Variants in PMM2 observed in about 807,000 individuals in gnomAD.
PMM2 encodes the protein phosphomannomutase 2, also known as mannose-6-phosphate isomerase.
PMM2 carries 35 observed loss-of-function variants against 33.2 expected under a neutral mutation model. That is an observed-to-expected ratio of 1.06 (90% CI 0.81 to 1.40). PMM2 has a LOEUF of 1.40. Ranked by LOEUF, PMM2 falls within the 40% of genes most tolerant of loss-of-function variation. PMM2 has a pLI of 0.00. For synonymous variants in PMM2, 153 were observed against 114.7 expected (o/e 1.33, Z -2.13); for missense variants, 386 against 306.0 (o/e 1.26, Z -1.95).
At chr16:8,839,436 G>T (rs2060874742) in intron 7 of PMM2, among the ~76,000 whole-genome samples, 1 of 151,976 alleles carries the variant, frequency 6.6e-6, no homozygotes, top group Admixed American at 6.6e-5. Flanking sequence ...GACTGATGGG[G>T]TAACTGCATA....
intron 7 of PMM2, among the ~76,000 whole-genome samples, chr16:8,817,617 A>C (rs1245939160): frequency 6.6e-6 from 1 of 152,236 alleles, no homozygotes; most frequent in African/African-American, 2.4e-5. Context: ...TAACCATTGC[A>C]TTACCATGCC....
At chr16:8,799,041 G>A (rs1316219290) in intron 1 of PMM2, among the ~76,000 whole-genome samples, 3 of 152,146 alleles carry the variant, frequency 2.0e-5, no homozygotes, top group African/African-American at 7.2e-5. Context: ...GCCCATAGTG[G>A]TCTAAAACTC....
chr16:8,817,295 A>G (rs1409442637), intron 7 of PMM2, among the ~76,000 whole-genome samples: 1 of 152,240 alleles, frequency 6.6e-6, no homozygotes. Context: ...GCAGGCTTTG[A>G]AAAAGATCAC....
chr16:8,827,565 T>C (rs144789487), intron 7 of PMM2, among the ~76,000 whole-genome samples: 2 of 148,262 alleles, frequency 1.3e-5, no homozygotes, highest in East Asian at 4.0e-4. Flanking sequence ...CTGGCTAATT[T>C]TTGTATTTTT....
At chr16:8,800,086 C>T (rs551613519) in intron 1 of PMM2, among the ~76,000 whole-genome samples, 36 of 152,158 alleles carry the variant, frequency 2.4e-4, no homozygotes, top group Non-Finnish European at 3.2e-4. Context: ...CAGCCGGGCA[C>T]GGTAGTTCAT....
At chr16:8,839,126 C>T (rs1187817386) in intron 7 of PMM2, among the ~76,000 whole-genome samples, 2 of 151,752 alleles carry the variant, frequency 1.3e-5, no homozygotes, top group Non-Finnish European at 2.9e-5. Context: ...CCTAAACCGA[C>T]CATCAAGGGA....
intron 6 of PMM2, among the ~76,000 whole-genome samples, chr16:8,812,056 G>A (rs2060680815): frequency 6.6e-6 from 1 of 152,192 alleles, no homozygotes; most frequent in Non-Finnish European, 1.5e-5. Flanking sequence ...AAGCACTATA[G>A]TGAACTCCAT....
intron 7 of PMM2, among the ~76,000 whole-genome samples, chr16:8,840,522 G>T (rs1048505878): frequency 1.3e-5 from 2 of 151,984 alleles, no homozygotes; most frequent in Non-Finnish European, 2.9e-5. Context: ...GGGTGACTTC[G>T]TAAAGCCCTG....
intron 2 of PMM2, among the ~76,000 whole-genome samples, chr16:8,803,002 T>G (rs1446675985): frequency 2.0e-5 from 3 of 152,136 alleles, no homozygotes; most frequent in African/African-American, 4.8e-5. Context: ...GGCTGTCCTG[T>G]GCATTGTAGG....
Position 8,806,356 on chromosome 16 carries a change from T to C in PMM2, c.296T>C (p.Leu99Ser), listed in dbSNP as rs2060647574. The change falls in exon 4 of 8, where the codon TTA (leucine) becomes TCA (serine). Residue 99 changes from leucine to serine, a missense_variant. Coordinates refer to ENST00000268261, the MANE Select transcript of PMM2 (RefSeq NM_000303.3). ...SHLGEALIQD[L>S]INYCLSYIAK... The stretch of plus-strand genomic sequence containing the variant: ...CTGGGTGAGGCCCTAATCCAAGATT[T>C]AATCAACTACTGTCTGAGCTACATT... The C allele has an allele frequency of 6.2e-7, 1 of 1,613,268 alleles. No homozygotes were observed.
chr16:8,800,329 C>A (rs1323842391), intron 1 of PMM2, among the ~76,000 whole-genome samples: 1 of 148,736 alleles, frequency 6.7e-6, no homozygotes, highest in Non-Finnish European at 1.5e-5. Flanking sequence ...CCATTGCACT[C>A]CAGCCTGGGT....
intron 4 of PMM2, among the ~76,000 whole-genome samples, chr16:8,807,356 G>A (rs902360230): frequency 6.6e-6 from 1 of 152,122 alleles, no homozygotes; most frequent in African/African-American, 2.4e-5. Context: ...TGGCAAATCT[G>A]AGACCTGGCT....
At position 8,848,016 on chromosome 16, in the gene PMM2, T is replaced by A. The variant is rs371493558; in HGVS notation, c.*191T>A. On this transcript the variant is annotated 3_prime_UTR_variant, in exon 8 of 8. Transcript: ENST00000268261. ...CTTCCAGAAGGAAGGAGAAAACTCT[T>A]GTCAAGAATGGCCCAGAGGAATGCC... 1.7e-6 allele frequency: 1 copy of A among 601,218 alleles called. No individual in the cohort carries two copies. 37.2% of individuals were successfully genotyped at this position (601,218 alleles called of 1,614,324 possible).
intron 2 of PMM2, among the ~76,000 whole-genome samples, chr16:8,803,257 C>T (rs2060626255): frequency 6.6e-6 from 1 of 152,238 alleles, no homozygotes; most frequent in African/African-American, 2.4e-5. Flanking sequence ...AAAACTCTCT[C>T]TTCCACTTCC....
At chr16:8,810,328 T>C (rs769536966) in intron 4 of PMM2, 1 of 152,256 alleles carries the variant, frequency 6.6e-6, no homozygotes, top group African/African-American at 2.4e-5. Flanking sequence ...GCAAAATAGA[T>C]GTCTGGTACA....
intron 3 of PMM2, among the ~76,000 whole-genome samples, chr16:8,805,410 C>G (rs1312666584): frequency 1.3e-5 from 2 of 152,044 alleles, no homozygotes; most frequent in African/African-American, 2.4e-5. Context: ...CTGTGTTAAC[C>G]AGGCTGGAGT....
At chr16:8,822,956 A>T (rs543949608) in intron 7 of PMM2, among the ~76,000 whole-genome samples, 1 of 152,314 alleles carries the variant, frequency 6.6e-6, no homozygotes, top group East Asian at 1.9e-4. Context: ...ACCCAGGTAA[A>T]TAGCTCCAAG....
rs554179467 is a variant in PMM2 at position 8,845,719 on chromosome 16, C to T, written c.640-2005C>T. On this transcript the variant is annotated intron_variant, in intron 7 of 7. Coordinates refer to ENST00000268261, the MANE Select transcript of PMM2 (RefSeq NM_000303.3). ...AAGCAGCTGGGATTACAGGTGCGCA[C>T]CACCACACCCAGCTAGGTTGTGCCT... 2.0e-5 allele frequency among the ~76,000 whole-genome samples: 3 copies of T among 152,136 alleles called. No homozygotes were observed. In the East Asian group the frequency reaches 5.8e-4, roughly 29 times the overall value.
chr16:8,806,552 C>A, intron 4 of PMM2, 145 bp downstream of exon 4: 1 of 685,746 alleles, frequency 1.5e-6, no homozygotes, highest in Non-Finnish European at 2.6e-6. Flanking sequence ...CGCCCCTTGG[C>A]AATTCTGGTT....
Sources: gnomAD v4.1 joint callset for allele counts (sites outside exome capture counted in the v4.1 genomes callset) on GRCh38, gnomAD v4.1.1 for gene constraint, MANE v1.5 for transcripts, NCBI Gene and HGNC (gene_info 2026-07-23, HGNC 2026-07-21) for gene names.